Variants in PTPRO observed in about 807,000 individuals in gnomAD.
The protein encoded by PTPRO is receptor-type tyrosine-protein phosphatase O.
In PTPRO, 62 loss-of-function variants were observed where a neutral mutation model predicts 145.2. The observed-to-expected ratio is 0.43, with a 90% CI of 0.35 to 0.53. PTPRO has a LOEUF of 0.53. Among genes scored for constraint, PTPRO ranks in the 20% least tolerant of loss-of-function variants. The probability of loss-of-function intolerance (pLI) is 0.01; values close to 1 mark genes in which losing one functional copy is unlikely to be tolerated. For missense variants in PTPRO, 1,345 were observed against 1,482.7 expected (o/e 0.91, Z 1.53); for synonymous variants, 565 against 514.7 (o/e 1.10, Z -1.32).
chr12:15,508,608 G>T lies in PTPRO; in HGVS notation c.1305G>T (p.Lys435Asn), dbSNP rs1942371898. Residue 435 changes from lysine to asparagine, a missense_variant, in exon 7 of 27, where the codon AAG (lysine) becomes AAT (asparagine). This residue lies in a region of PTPRO where 1,130 missense variants were observed against 1,214.7 expected (regional missense o/e 0.93). Transcript: ENST00000281171. ...SGEWIEELTE[K>N]PQHVSVHVLS... ...AGTGGATTGAAGAACTGACCGAGAA[G>T]CCGCAGCACGTGAGTGTCCACGTTT... is the stretch of plus-strand genomic sequence containing the variant. 3 of 1,613,966 alleles carry T rather than the reference G, an allele frequency of 1.9e-6. No homozygotes were observed. The highest frequency in any genetic ancestry group is 2.5e-6 in the Non-Finnish European group (3 of 1,180,006).
intron 1 of PTPRO, among the ~76,000 whole-genome samples, chr12:15,395,055 C>A (rs1364207443): frequency 1.3e-5 from 2 of 152,022 alleles, no homozygotes; most frequent in Non-Finnish European, 2.9e-5. Flanking sequence ...ATGCAACAAA[C>A]CTAGGAAAGA....
intron 19 of PTPRO, 94 bp from the exon 20 acceptor site, chr12:15,578,759 T>C: frequency 1.0e-6 from 1 of 977,478 alleles, no homozygotes; most frequent in South Asian, 1.3e-5. Context: ...TGCAATGTCA[T>C]ATAGCAAAGG....
chr12:15,589,350 T>G, intron 24 of PTPRO, 105 bp from the exon 25 acceptor site: 1 of 1,506,728 alleles, frequency 6.6e-7, no homozygotes, highest in South Asian at 1.1e-5. Context: ...CACTCCAGCC[T>G]GGGCAACAGA....
intron 15 of PTPRO, among the ~76,000 whole-genome samples, chr12:15,557,023 T>C (rs1247547442): frequency 6.9e-6 from 1 of 145,212 alleles, no homozygotes; most frequent in Non-Finnish European, 1.5e-5. Flanking sequence ...TATTAGCTTC[T>C]TTTATTTTGT....
intron 1 of PTPRO, among the ~76,000 whole-genome samples, chr12:15,430,478 A>T (rs1341219133): frequency 2.0e-5 from 3 of 152,128 alleles, no homozygotes; most frequent in African/African-American, 7.2e-5. Context: ...AGGGTTCTGA[A>T]ATGTTACTGC....
chr12:15,434,225 A>G (rs534258878), intron 1 of PTPRO, among the ~76,000 whole-genome samples: 1 of 152,336 alleles, frequency 6.6e-6, no homozygotes, highest in African/African-American at 2.4e-5. Flanking sequence ...TTGCCTTTTT[A>G]GTTGAAAGCA....
intron 1 of PTPRO, among the ~76,000 whole-genome samples, chr12:15,412,217 C>T (rs1164126431): frequency 1.3e-5 from 2 of 152,226 alleles, no homozygotes; most frequent in Non-Finnish European, 2.9e-5. Flanking sequence ...GGCTACTCCT[C>T]CTTTTGAAAA....
At chr12:15,594,878 TA>T in intron 25 of PTPRO, 58 bp from the exon 26 acceptor site, 2 of 1,206,852 alleles carry the variant, frequency 1.7e-6, no homozygotes, top group Non-Finnish European at 2.4e-6. Flanking sequence ...TGTCATAGTA[TA>T]AAATATTATA....
chr12:15,394,803 T>C (rs1275087030), intron 1 of PTPRO, among the ~76,000 whole-genome samples: 1 of 152,204 alleles, frequency 6.6e-6, no homozygotes, highest in Non-Finnish European at 1.5e-5. Flanking sequence ...ATCCAAATTA[T>C]ATATTTAGGT....
intron 12 of PTPRO, among the ~76,000 whole-genome samples, chr12:15,532,273 CTT>C (rs1942977818): frequency 6.6e-6 from 1 of 152,076 alleles, no homozygotes; most frequent in South Asian, 2.1e-4. Context: ...TAAATACTAT[CTT>C]AATTGGATTT....
intron 2 of PTPRO, among the ~76,000 whole-genome samples, chr12:15,489,366 G>A (rs1369961825): frequency 6.6e-6 from 1 of 152,152 alleles, no homozygotes; most frequent in Admixed American, 6.5e-5. Context: ...CATAAGCAGA[G>A]CAGCCCAAGG....
intron 1 of PTPRO, among the ~76,000 whole-genome samples, chr12:15,344,085 C>G (rs1198313507): frequency 1.3e-5 from 2 of 152,146 alleles, no homozygotes; most frequent in South Asian, 4.1e-4. Context: ...TTGTCAGGTT[C>G]TAACTAAAAA....
intron 7 of PTPRO, among the ~76,000 whole-genome samples, chr12:15,514,888 G>A (rs1212645132): frequency 6.6e-6 from 1 of 151,954 alleles, no homozygotes; most frequent in Non-Finnish European, 1.5e-5. Flanking sequence ...TCAGCCTCCT[G>A]AGTAGCTGAG....
chr12:15,379,896 G>C (rs1938806421), intron 1 of PTPRO, among the ~76,000 whole-genome samples: 1 of 152,106 alleles, frequency 6.6e-6, no homozygotes, highest in South Asian at 2.1e-4. Flanking sequence ...ATCCACTTTA[G>C]TATGTCATTT....
intron 1 of PTPRO, among the ~76,000 whole-genome samples, chr12:15,416,840 C>T (rs904119221): frequency 6.6e-6 from 1 of 151,268 alleles, no homozygotes; most frequent in East Asian, 1.9e-4. Flanking sequence ...CCTTCATTAC[C>T]CTTATGAATA....
In PTPRO at chr12:15,526,065, T is replaced by C. The variant is rs1450604803; in HGVS notation, c.2044-77T>C. On this transcript the variant is annotated intron_variant, in intron 11 of 26. Coordinates refer to ENST00000281171, the MANE Select transcript of PTPRO (RefSeq NM_030667.3). ...GAACAGAGAGGGAATGTGTCTGCTA[T>C]AGTCCTTTAGTTGTTTGGGGTGGTG... is the stretch of plus-strand genomic sequence containing the variant. 19 of 1,552,720 alleles carry C rather than the reference T, an allele frequency of 1.2e-5. No individual in the cohort carries two copies. The East Asian group carries it at 3.6e-4, about 29-fold the overall frequency.
At chr12:15,468,634 T>G (rs1414938699) in intron 1 of PTPRO, among the ~76,000 whole-genome samples, 1 of 152,210 alleles carries the variant, frequency 6.6e-6, no homozygotes, top group Non-Finnish European at 1.5e-5. Flanking sequence ...CTTTTTCCAC[T>G]TGCAATTATC....
intron 1 of PTPRO, among the ~76,000 whole-genome samples, chr12:15,350,119 T>C (rs1291758366): frequency 1.3e-5 from 2 of 152,168 alleles, no homozygotes; most frequent in African/African-American, 4.8e-5. Context: ...CCTTCATATA[T>C]AAATGTTGGA....
intron 24 of PTPRO, among the ~76,000 whole-genome samples, chr12:15,588,403 T>C (rs888660073): frequency 1.3e-5 from 2 of 152,154 alleles, no homozygotes; most frequent in African/African-American, 2.4e-5. Context: ...TGACTCTTTA[T>C]TGAGGATTAG....
Sources: gnomAD v4.1 joint callset for allele counts (sites outside exome capture counted in the v4.1 genomes callset) on GRCh38, gnomAD v4.1.1 for gene constraint, gnomAD v4.1.1 regional missense constraint, MANE v1.5 for transcripts, NCBI Gene and HGNC (gene_info 2026-07-23, HGNC 2026-07-21) for gene names.